ARNT2: variants seen among roughly 807,000 people sequenced by gnomAD.
ARNT2 encodes the protein ARNT protein 2.
Under a neutral mutation model 91.7 loss-of-function variants are expected in ARNT2, and 36 were observed. The observed-to-expected ratio is 0.39, with a 90% CI of 0.30 to 0.52. The LOEUF is 0.52. Ranked by LOEUF, ARNT2 falls within the 20% of genes least tolerant of loss-of-function variation. ARNT2 has a pLI of 0.72. For synonymous variants in ARNT2, 365 were observed against 347.1 expected, an observed-to-expected ratio of 1.05 and a Z score of -0.57; for missense variants, 775 against 939.3, an observed-to-expected ratio of 0.83 and a Z score of 2.29.
chr15:80,500,925 A>T lies in ARNT2; in HGVS notation c.623-7231A>T, dbSNP rs571389683. On this transcript the variant is annotated intron_variant, in intron 5 of 18. Transcript: ENST00000303329. ...AGTACTTTGTTGACTCATGTTATAA[A>T]GCATGTTATGCTTTTCAACTGTCTT... 1.5e-4 allele frequency among the ~76,000 whole-genome samples: 23 copies of T among 152,372 alleles called. No individual in the cohort carries two copies. The South Asian group carries it at 4.8e-3, about 32-fold the overall frequency.
At chr15:80,466,325 A>G (rs2141391691) in intron 3 of ARNT2, among the ~76,000 whole-genome samples, 1 of 152,324 alleles carries the variant, frequency 6.6e-6, no homozygotes, top group South Asian at 2.1e-4. Flanking sequence ...CTTGATTTCC[A>G]TAGCTGTGCT....
chr15:80,557,423 A>T (rs1377801310), intron 11 of ARNT2, among the ~76,000 whole-genome samples: 1 of 152,004 alleles, frequency 6.6e-6, no homozygotes. Flanking sequence ...CTTATACACC[A>T]CTGGGGTAGT....
At chr15:80,407,709 C>CTGTGTG (rs56826755) in intron 1 of ARNT2, among the ~76,000 whole-genome samples, 28 of 149,606 alleles carry the variant, frequency 1.9e-4, no homozygotes, top group South Asian at 6.3e-4. Context: ...TTTTGTGTGT[C>CTGTGTG]TGTGTGTGTG....
chr15:80,580,570 A>T, intron 16 of ARNT2, 21 bp downstream of exon 16: 1 of 1,613,386 alleles, frequency 6.2e-7, no homozygotes. Flanking sequence ...CTGTGAGGGC[A>T]TCTCCCCTGG....
Position 80,597,918 on chromosome 15 carries a change from A to C in ARNT2, c.*4220A>C, listed in dbSNP as rs1202746820. ...TTAAAATTTCATTACAATAAAAATG[A>C]CTTTGCTCTGAACAACAAATGGCCC... On this transcript the variant is annotated 3_prime_UTR_variant, in exon 19 of 19. Coordinates refer to ENST00000303329, the MANE Select transcript of ARNT2 (RefSeq NM_014862.4). 1.3e-5 allele frequency: 2 copies of C among 152,752 alleles called. No homozygotes were observed. The highest frequency in any genetic ancestry group is 1.3e-4 in the Admixed American group (2 of 15,292). The allele number at this position is 152,752 out of a possible 1,614,324, so 9.5% of individuals were successfully genotyped here.
In ARNT2 at chr15:80,591,875, C is replaced by A. The variant is rs527808880; in HGVS notation, c.2055+171C>A. 11 of 645,446 alleles carry A rather than the reference C, an allele frequency of 1.7e-5. No homozygotes were observed. The Admixed American group carries it at 6.3e-4, about 37-fold the overall frequency. The allele number at this position is 645,446 out of a possible 1,614,324, so 40.0% of individuals were successfully genotyped here. The stretch of plus-strand genomic sequence containing the variant: ...AAGCCCCATCCTACCCAGCCAGAAA[C>A]GTCAGGTGCATGTGGGAAGGAGAAG... On this transcript the variant is annotated intron_variant, in intron 18 of 18. Coordinates refer to ENST00000303329, the MANE Select transcript of ARNT2 (RefSeq NM_014862.4). This position sits in a 1 kb window ranked among gnomAD's most constrained non-coding sequence, Gnocchi z 5.1.
intron 1 of ARNT2, chr15:80,442,839 T>C: frequency 2.0e-6 from 2 of 985,410 alleles, no homozygotes; most frequent in Non-Finnish European, 2.4e-6. Context: ...CTATACAGTG[T>C]AGGAGGATCA....
At chr15:80,441,565 G>A (rs1054377567) in intron 1 of ARNT2, among the ~76,000 whole-genome samples, 1 of 152,138 alleles carries the variant, frequency 6.6e-6, no homozygotes, top group African/African-American at 2.4e-5. Flanking sequence ...TGTTGTGAAA[G>A]TTTGCATGTA....
intron 8 of ARNT2, among the ~76,000 whole-genome samples, chr15:80,516,141 G>A (rs1566991407): frequency 1.3e-5 from 2 of 152,188 alleles, no homozygotes; most frequent in South Asian, 2.1e-4. Context: ...AAAGTGCTGG[G>A]ATGACAGGCG....
intron 5 of ARNT2, among the ~76,000 whole-genome samples, chr15:80,479,434 A>G (rs1896853636): frequency 6.6e-6 from 1 of 152,170 alleles, no homozygotes; most frequent in South Asian, 2.1e-4. Context: ...CCACATGGAG[A>G]GAGAATGGGT....
At chr15:80,431,292 C>T (rs914608929) in intron 1 of ARNT2, among the ~76,000 whole-genome samples, 4 of 152,136 alleles carry the variant, frequency 2.6e-5, no homozygotes, top group Non-Finnish European at 4.4e-5. Context: ...TCACTGGGAC[C>T]GTGGCAGTGG....
In ARNT2 at chr15:80,591,862, A is replaced by C. The variant is rs1596029097; in HGVS notation, c.2055+158A>C. The C allele has an allele frequency of 1.3e-6, 1 of 754,474 alleles. No individual in the cohort carries two copies. Among genetic ancestry groups the C allele is most frequent in the Non-Finnish European group, 1.6e-6 (1 of 619,248 alleles). 46.7% of individuals were successfully genotyped at this position (754,474 alleles called of 1,614,324 possible). On this transcript the variant is annotated intron_variant, in intron 18 of 18. Transcript: ENST00000303329. The surrounding 1 kb of genome is among the most constrained non-coding windows in gnomAD (Gnocchi z 5.1). Reference sequence around the variant, plus strand: ...GTCCAGGAGTAGAAAGCCCCATCCTACCCAGCCAGAAACGTCAGGTGCATG... The same window carrying C: ...GTCCAGGAGTAGAAAGCCCCATCCTCCCCAGCCAGAAACGTCAGGTGCATG...
At chr15:80,480,513 G>A (rs898751448) in intron 5 of ARNT2, among the ~76,000 whole-genome samples, 4 of 152,188 alleles carry the variant, frequency 2.6e-5, no homozygotes, top group African/African-American at 9.7e-5. Context: ...CCGCCTGGCT[G>A]TCCTGGCTGG....
intron 5 of ARNT2, among the ~76,000 whole-genome samples, chr15:80,482,970 G>T (rs571003548): frequency 2.6e-5 from 4 of 152,238 alleles, no homozygotes; most frequent in Admixed American, 2.0e-4. Flanking sequence ...TCTTGGCTTT[G>T]CCAAGCTCTT....
rs114696110 is a variant in ARNT2 at position 80,597,146 on chromosome 15, C to T, written c.*3448C>T. The T allele has an allele frequency of 1.9e-6, 1 of 518,690 alleles. No individual in the cohort carries two copies. The highest frequency in any genetic ancestry group is 1.9e-5 in the African/African-American group (1 of 51,960). The allele number at this position is 518,690 out of a possible 1,614,324, so 32.1% of individuals were successfully genotyped here. On this transcript the variant is annotated 3_prime_UTR_variant, in exon 19 of 19. Transcript: ENST00000303329. ...ATGTTCTCCAGATTAGCCACACATG[C>T]AAACATCAGTGTCCTTCTAGCTTTA...
At chr15:80,464,795 A>G (rs533620193) in intron 3 of ARNT2, among the ~76,000 whole-genome samples, 39 of 152,290 alleles carry the variant, frequency 2.6e-4, no homozygotes, top group African/African-American at 8.9e-4. Context: ...CTGGCCATGA[A>G]GGATGTTCCT....
At chr15:80,420,416 T>C (rs28405014) in intron 1 of ARNT2, among the ~76,000 whole-genome samples, 1 of 152,128 alleles carries the variant, frequency 6.6e-6, no homozygotes. Flanking sequence ...ATGTAATTTA[T>C]TGGATATATA....
intron 5 of ARNT2, among the ~76,000 whole-genome samples, chr15:80,506,303 C>T (rs1440047942): frequency 6.6e-6 from 1 of 152,216 alleles, no homozygotes; most frequent in African/African-American, 2.4e-5. Flanking sequence ...GTGCAGGCAC[C>T]ACTGCACTGT....
intron 14 of ARNT2, 56 bp from the exon 15 acceptor site, chr15:80,576,810 C>A: frequency 6.3e-7 from 1 of 1,590,786 alleles, no homozygotes; most frequent in South Asian, 1.1e-5. Context: ...GCAGCCTCCT[C>A]TGTGGTCTGC....
Sources: allele counts gnomAD v4.1 joint callset (sites outside exome capture counted in the v4.1 genomes callset), GRCh38; gene constraint gnomAD v4.1.1; non-coding constraint Gnocchi (gnomAD v3.1); transcripts MANE v1.5; gene names NCBI Gene and HGNC (gene_info 2026-07-23, HGNC 2026-07-21).